Variants in LMNTD1 observed in about 807,000 individuals in gnomAD.
LMNTD1 encodes lamin tail domain-containing protein 1.
In LMNTD1, 35 loss-of-function variants were observed where a neutral mutation model predicts 50.9. The observed-to-expected ratio is 0.69, with a 90% confidence interval of 0.53 to 0.91. LMNTD1 has a LOEUF of 0.91. Ranked by LOEUF, LMNTD1 falls within the 40% of genes least tolerant of loss-of-function variation. The pLI is 0.00. For synonymous variants in LMNTD1, 153 were observed against 161.9 expected (o/e 0.94, Z 0.42); for missense variants, 470 against 475.5 (o/e 0.99, Z 0.11).
chr12:25,558,701 A>T (rs1002964204), intron 1 of LMNTD1, among the ~76,000 whole-genome samples: 4 of 152,192 alleles, frequency 2.6e-5, no homozygotes, highest in Admixed American at 2.6e-4. Flanking sequence ...GGAAGGGCAA[A>T]GGGTTGTCTC....
intron 9 of LMNTD1, among the ~76,000 whole-genome samples, chr12:25,500,989 T>A (rs1939356449): frequency 6.6e-6 from 1 of 151,974 alleles, no homozygotes; most frequent in African/African-American, 2.4e-5. Flanking sequence ...GTCTGTTTGT[T>A]TGTTTTTGTT....
At chr12:25,520,139 G>GATAGATAT (rs1555213272) in intron 6 of LMNTD1, 64 bp from the exon 7 acceptor site, 1 of 150,402 alleles carries the variant, frequency 6.6e-6, no homozygotes, top group Non-Finnish European at 1.3e-5. Flanking sequence ...GCTGTTATGA[G>GATAGATAT]ATATACATAT....
chr12:25,568,930 C>G (rs1944668493), intron 1 of LMNTD1, among the ~76,000 whole-genome samples: 1 of 152,236 alleles, frequency 6.6e-6, no homozygotes, highest in African/African-American at 2.4e-5. Context: ...GGAGCTTCCA[C>G]AAGAACCTCT....
At chr12:25,591,736 AC>A (rs1945701311) in intron 1 of LMNTD1, among the ~76,000 whole-genome samples, 1 of 147,084 alleles carries the variant, frequency 6.8e-6, no homozygotes, top group Admixed American at 6.9e-5. Context: ...TTCAGGTCTG[AC>A]CCAGCACACT....
intron 4 of LMNTD1, among the ~76,000 whole-genome samples, chr12:25,531,153 G>A (rs997184806): frequency 1.3e-5 from 2 of 152,160 alleles, no homozygotes; most frequent in Non-Finnish European, 1.5e-5. Context: ...GAGCATGGAA[G>A]CAGATTTATT....
intron 1 of LMNTD1, among the ~76,000 whole-genome samples, chr12:25,559,503 CAT>C (rs1477472073): frequency 1.3e-5 from 2 of 152,156 alleles, no homozygotes; most frequent in Admixed American, 6.5e-5. Flanking sequence ...CCGCAATAAA[CAT>C]GTGTGTGCAT....
intron 1 of LMNTD1, among the ~76,000 whole-genome samples, chr12:25,631,995 A>G (rs1169708273): frequency 1.3e-5 from 2 of 152,184 alleles, no homozygotes; most frequent in Middle Eastern, 6.3e-3. Context: ...ACTTATAGAA[A>G]TGTAAAATGC....
intron 1 of LMNTD1, among the ~76,000 whole-genome samples, chr12:25,590,418 C>T (rs1358755159): frequency 1.3e-5 from 2 of 152,202 alleles, no homozygotes; most frequent in African/African-American, 4.8e-5. Flanking sequence ...CAAAGCCTTG[C>T]CACTGCAGGC....
intron 1 of LMNTD1, among the ~76,000 whole-genome samples, chr12:25,618,376 CCACT>C (rs1158995011): frequency 1.3e-5 from 2 of 152,078 alleles, no homozygotes; most frequent in African/African-American, 2.4e-5. Context: ...CAAGTGAGGA[CCACT>C]CACTCAGGTG....
intron 1 of LMNTD1, among the ~76,000 whole-genome samples, chr12:25,561,683 T>C: frequency 6.6e-6 from 1 of 152,148 alleles, no homozygotes; most frequent in Admixed American, 6.5e-5. Context: ...TGAGTTCAGG[T>C]CCTGGATATC....
chr12:25,625,635 C>T (rs1484681620), intron 1 of LMNTD1, among the ~76,000 whole-genome samples: 1 of 152,210 alleles, frequency 6.6e-6, no homozygotes, highest in African/African-American at 2.4e-5. Flanking sequence ...TAAGCTAGTT[C>T]TTTTCAGACT....
intron 1 of LMNTD1, among the ~76,000 whole-genome samples, chr12:25,588,347 A>T (rs922437808): frequency 6.6e-6 from 1 of 152,200 alleles, no homozygotes; most frequent in Non-Finnish European, 1.5e-5. Context: ...TTTAAATTTC[A>T]ACTCAGATAA....
chr12:25,645,749 AT>A (rs1473845895), intron 1 of LMNTD1, among the ~76,000 whole-genome samples: 1 of 152,212 alleles, frequency 6.6e-6, no homozygotes, highest in Non-Finnish European at 1.5e-5. Context: ...ACCCTTCTGC[AT>A]TTCAGTTTGT....
At chr12:25,624,790 C>T (rs919053976) in intron 1 of LMNTD1, among the ~76,000 whole-genome samples, 1 of 152,130 alleles carries the variant, frequency 6.6e-6, no homozygotes, top group African/African-American at 2.4e-5. Flanking sequence ...AACCATATGA[C>T]CTGGGTTTTA....
At chr12:25,519,264 C>T (rs1001034731) in intron 7 of LMNTD1, among the ~76,000 whole-genome samples, 1 of 152,186 alleles carries the variant, frequency 6.6e-6, no homozygotes, top group African/African-American at 2.4e-5. Context: ...CACCTCTCTG[C>T]AGCAGCCTTG....
intron 1 of LMNTD1, among the ~76,000 whole-genome samples, chr12:25,644,114 G>A (rs1343739888): frequency 6.6e-6 from 1 of 152,042 alleles, no homozygotes; most frequent in Non-Finnish European, 1.5e-5. Context: ...AACAGGAGAA[G>A]TGCACATAGG....
At position 25,584,580 on chromosome 12, in the gene LMNTD1, C is replaced by G. The variant is rs78908395; in HGVS notation, c.59-38026G>C. 3.5e-4 allele frequency among the ~76,000 whole-genome samples: 54 copies of G among 152,318 alleles called. 1 individual carries two copies. The East Asian group carries it at 0.01, about 29-fold the overall frequency. On this transcript the variant is annotated intron_variant, in intron 1 of 7. Transcript: ENST00000445693. ...AGTCCAGAACTCCAGAACTCCAGGT[C>G]TCCCATCTTGCAAATGTGACTACAT...
chr12:25,589,087 C>G (rs778013027), intron 1 of LMNTD1, among the ~76,000 whole-genome samples: 2 of 152,106 alleles, frequency 1.3e-5, no homozygotes, highest in Non-Finnish European at 2.9e-5. Context: ...ACATAGGTAC[C>G]CATAACCCAG....
At chr12:25,527,693 C>T (rs866972543) in intron 4 of LMNTD1, among the ~76,000 whole-genome samples, 977 of 95,306 alleles carry the variant, frequency 0.01, 3 homozygotes, top group Non-Finnish European at 0.013. Context: ...CACACACACA[C>T]ACACACACAC....
Sources: allele counts gnomAD v4.1 joint callset (sites outside exome capture counted in the v4.1 genomes callset), GRCh38; gene constraint gnomAD v4.1.1; transcripts MANE v1.5; gene names NCBI Gene and HGNC (gene_info 2026-07-23, HGNC 2026-07-21).